Variants in GLIS3 observed in about 807,000 individuals in gnomAD.
GLIS3 encodes the protein zinc finger protein GLIS3.
GLIS3 carries 53 observed loss-of-function variants against 78.6 expected under a neutral mutation model. The observed-to-expected ratio is 0.67, with a 90% CI of 0.54 to 0.85. The LOEUF is 0.85. Among genes scored for constraint, GLIS3 ranks in the 40% least tolerant of loss-of-function variants. The probability of loss-of-function intolerance (pLI) is 0.00; values close to 1 mark genes in which losing one functional copy is unlikely to be tolerated. For missense variants in GLIS3, 1,703 were observed against 1,231.1 expected (o/e 1.38, Z -5.74); for synonymous variants, 684 against 509.9 (o/e 1.34, Z -4.60).
intron 2 of GLIS3, among the ~76,000 whole-genome samples, chr9:4,212,831 GACAAAGAGCTTCATAGGC>G (rs1820491646): frequency 6.6e-6 from 1 of 152,202 alleles, no homozygotes; most frequent in Non-Finnish European, 1.5e-5. Context: ...GGGGCCAGAT[GACAAAGAGCTTCATAGGC>G]ACATTAAAGA....
At chr9:4,268,044 C>T (rs751887164) in intron 2 of GLIS3, among the ~76,000 whole-genome samples, 16 of 151,550 alleles carry the variant, frequency 1.1e-4, no homozygotes, top group East Asian at 3.9e-4. Context: ...TACACACGTG[C>T]GTGCGTGCGC....
At chr9:4,375,867 A>C in the GLIS3 span, among the ~76,000 whole-genome samples, 1 of 152,102 alleles carries the variant, frequency 6.6e-6, no homozygotes, top group Non-Finnish European at 1.5e-5. Flanking sequence ...CATTCCTAAG[A>C]AACTTTGGAA....
At chr9:4,355,241 C>G in the GLIS3 span, among the ~76,000 whole-genome samples, 4 of 152,132 alleles carry the variant, frequency 2.6e-5, no homozygotes, top group African/African-American at 9.7e-5. Context: ...GGTCCCAAAG[C>G]AAACTCTGCC....
At chr9:3,918,670 G>A (rs772535382) in intron 6 of GLIS3, among the ~76,000 whole-genome samples, 3 of 152,154 alleles carry the variant, frequency 2.0e-5, no homozygotes, top group Non-Finnish European at 4.4e-5. Context: ...TTGCTAGTGT[G>A]TAACCTAGGG....
chr9:4,108,149 G>A (rs1251855626), intron 4 of GLIS3, among the ~76,000 whole-genome samples: 1 of 152,270 alleles, frequency 6.6e-6, no homozygotes, highest in African/African-American at 2.4e-5. Flanking sequence ...TAGTAGCTCA[G>A]AATTTCTGTA....
At chr9:4,285,816 C>CA in intron 2 of GLIS3, 1 of 588,216 alleles carries the variant, frequency 1.7e-6, no homozygotes, top group South Asian at 2.1e-5. Flanking sequence ...CTCTGTTTCA[C>CA]AGTCCCAGGA....
chr9:4,485,326 C>A, the GLIS3 span, among the ~76,000 whole-genome samples: 2 of 152,020 alleles, frequency 1.3e-5, no homozygotes, highest in Non-Finnish European at 2.9e-5. Context: ...TAAGGTTGGT[C>A]TTCTGAGATG....
chr9:4,456,297 A>G, the GLIS3 span, among the ~76,000 whole-genome samples: 1 of 152,214 alleles, frequency 6.6e-6, no homozygotes, highest in South Asian at 2.1e-4. Flanking sequence ...GGCTGCTGAC[A>G]GATCAGATTG....
At chr9:3,850,004 AT>A (rs1819322982) in intron 9 of GLIS3, among the ~76,000 whole-genome samples, 2 of 152,188 alleles carry the variant, frequency 1.3e-5, no homozygotes, top group South Asian at 4.1e-4. Context: ...ACCCCGAAAA[AT>A]CTTGTCCTCT....
chr9:3,839,313 T>TGTG (rs1404256460), intron 9 of GLIS3, among the ~76,000 whole-genome samples: 1 of 152,204 alleles, frequency 6.6e-6, no homozygotes. Flanking sequence ...GGAGCCTTTG[T>TGTG]ATTAAAACAA....
At chr9:4,215,108 T>G (rs1036968794) in intron 2 of GLIS3, among the ~76,000 whole-genome samples, 2 of 152,136 alleles carry the variant, frequency 1.3e-5, no homozygotes, top group Non-Finnish European at 2.9e-5. Context: ...GAAGGGAGAT[T>G]GGAAATGCAG....
At chr9:3,883,375 T>C (rs1471283728) in intron 7 of GLIS3, among the ~76,000 whole-genome samples, 1 of 152,236 alleles carries the variant, frequency 6.6e-6, no homozygotes, top group African/African-American at 2.4e-5. Flanking sequence ...TCTGAATATC[T>C]GCCGACTTCA....
chr9:4,201,991 T>C (rs942665245), intron 2 of GLIS3, among the ~76,000 whole-genome samples: 1 of 151,728 alleles, frequency 6.6e-6, no homozygotes, highest in Non-Finnish European at 1.5e-5. Flanking sequence ...TACAAAAAAT[T>C]AGCCAGGTGT....
the GLIS3 span, among the ~76,000 whole-genome samples, chr9:4,453,358 A>AAAAG: frequency 1.1e-4 from 16 of 149,042 alleles, no homozygotes; most frequent in African/African-American, 4.0e-4. Flanking sequence ...AAAAAAAAAA[A>AAAAG]AAAAAAGAAA....
chr9:4,427,066 T>TA, the GLIS3 span, among the ~76,000 whole-genome samples: 1 of 152,226 alleles, frequency 6.6e-6, no homozygotes, highest in Admixed American at 6.5e-5. Flanking sequence ...CAGTGTATGA[T>TA]ATGTGAATGA....
chr9:3,845,906 C>T (rs796337223), intron 9 of GLIS3, among the ~76,000 whole-genome samples: 33 of 152,292 alleles, frequency 2.2e-4, no homozygotes, highest in African/African-American at 7.9e-4. Flanking sequence ...GGTGCAATTT[C>T]CAGCTCCACT....
chr9:4,101,777 G>C (rs1415749483), intron 4 of GLIS3, among the ~76,000 whole-genome samples: 2 of 152,064 alleles, frequency 1.3e-5, no homozygotes, highest in Admixed American at 1.3e-4. Context: ...TATCAAAGTT[G>C]GGTCATGATG....
rs150572514 is a variant in GLIS3, at chr9:3,830,271, ACT to A, written c.2474-781_2474-780del. ...ATGTGGTTCTTCTCTATGATCCTCC[ACT>A]CCTTTCATGATGGCTTACTTTTTTC... On this transcript the variant is annotated intron_variant, in intron 9 of 10. Coordinates refer to ENST00000381971, the MANE Select transcript of GLIS3 (RefSeq NM_001042413.2). Among the ~76,000 whole-genome samples the A allele has an allele frequency of 1.8e-3, 280 of 151,846 alleles. 1 individual carries two copies. Among genetic ancestry groups the A allele is most frequent in the African/African-American group, 6.6e-3 (273 of 41,390 alleles).
chr9:4,373,405 G>C, the GLIS3 span, among the ~76,000 whole-genome samples: 23 of 152,252 alleles, frequency 1.5e-4, no homozygotes, highest in African/African-American at 5.1e-4. Context: ...TAGGGGATGC[G>C]GATGGGAGGT....
Sources: gnomAD v4.1 joint callset for allele counts (sites outside exome capture counted in the v4.1 genomes callset) on GRCh38, gnomAD v4.1.1 for gene constraint, MANE v1.5 for transcripts, NCBI Gene and HGNC (gene_info 2026-07-23, HGNC 2026-07-21) for gene names.